ADAMTS2: variants seen among roughly 807,000 people sequenced by gnomAD.
ADAMTS2 encodes the protein A disintegrin and metalloproteinase with thrombospondin motifs 2.
Under a neutral mutation model 123.0 loss-of-function variants are expected in ADAMTS2, and 50 were observed. The ratio of observed to expected loss-of-function variants is 0.41; its 90% CI spans 0.32 to 0.51. ADAMTS2 has a LOEUF of 0.51. Ranked by LOEUF, ADAMTS2 falls within the 20% of genes least tolerant of loss-of-function variation. The pLI is 0.35. For synonymous variants in ADAMTS2, 678 were observed against 695.4 expected (o/e 0.98, Z 0.39); for missense variants, 1,494 against 1,705.2 (o/e 0.88, Z 2.18).
chr5:179,241,801 A>G (rs771744687), intron 3 of ADAMTS2, among the ~76,000 whole-genome samples: 133 of 152,374 alleles, frequency 8.7e-4, no homozygotes, highest in Non-Finnish European at 1.4e-3. Flanking sequence ...ATTAAAATAA[A>G]CTATAGGCAA....
Position 179,129,871 on chromosome 5 carries a change from C to T in ADAMTS2, c.2457+61G>A. On this transcript the variant is annotated intron_variant, in intron 16 of 21. Transcript: ENST00000251582. This position sits in a 1 kb window ranked among gnomAD's most constrained non-coding sequence, Gnocchi z 4.1. ...CAGGAGGCTCAGCGTCCCAGGCACC[C>T]CCATCCCTCCCCCAGTGGCCACCCG... is the stretch of plus-strand genomic sequence containing the variant. 6.2e-7 allele frequency: 1 copy of T among 1,603,816 alleles called. No homozygotes were observed. The highest frequency in any genetic ancestry group is 8.5e-7 in the Non-Finnish European group (1 of 1,175,016).
intron 2 of ADAMTS2, among the ~76,000 whole-genome samples, chr5:179,331,675 G>A (rs1431364858): frequency 6.6e-6 from 1 of 152,026 alleles, no homozygotes; most frequent in Non-Finnish European, 1.5e-5. Context: ...AGTTGTCTCT[G>A]CAGCTGCATT....
chr5:179,345,118 G>T lies in ADAMTS2; in HGVS notation c.139+72C>A. ...GTCAGGCTGGACGACGCCTGGGGAG[G>T]GGGCGGCGGGGCACGCGGGACAGGG... On this transcript the variant is annotated intron_variant, in intron 1 of 21. Transcript: ENST00000251582. This position sits in a 1 kb window ranked among gnomAD's most constrained non-coding sequence, Gnocchi z 7.5. The T allele has an allele frequency of 2.9e-6, 3 of 1,024,634 alleles. No individual in the cohort carries two copies. Among genetic ancestry groups the T allele is most frequent in the Non-Finnish European group, 2.4e-6 (2 of 846,818 alleles). The allele number at this position is 1,024,634 out of a possible 1,614,324, so 63.5% of individuals were successfully genotyped here. A position where few individuals can be genotyped will look rare whatever the true frequency, so the allele number is the denominator to read the frequency against.
chr5:179,168,769 C>A (rs189660534), intron 5 of ADAMTS2, among the ~76,000 whole-genome samples: 2 of 152,146 alleles, frequency 1.3e-5, no homozygotes, highest in Non-Finnish European at 2.9e-5. Flanking sequence ...CATGTTCTAC[C>A]GTGCCCCCCA....
chr5:179,217,836 A>AGG (rs879577327), intron 3 of ADAMTS2, among the ~76,000 whole-genome samples: 1 of 86,554 alleles, frequency 1.2e-5, no homozygotes, highest in African/African-American at 4.7e-5. Context: ...GCCTGAGGGC[A>AGG]GACAGGCACA....
intron 2 of ADAMTS2, among the ~76,000 whole-genome samples, chr5:179,340,535 T>G (rs1276421775): frequency 6.6e-6 from 1 of 152,212 alleles, no homozygotes; most frequent in Non-Finnish European, 1.5e-5. Flanking sequence ...TAAAATTCTT[T>G]TTGTAGGCAT....
rs551161949 is a variant in ADAMTS2, at chr5:179,208,099, G to A, written c.689-384C>T. ...GCTGGCATTCAGCCATGGAGAGGTC[G>A]GGAACCTCAGCCCGCACTGCCTGAC... is the stretch of plus-strand genomic sequence containing the variant. On this transcript the variant is annotated intron_variant, in intron 3 of 21. Transcript: ENST00000251582. Among the ~76,000 whole-genome samples, 13 of 43,538 alleles carry A rather than the reference G, an allele frequency of 3.0e-4. No homozygotes were observed. The East Asian group carries it at 0.013, about 43-fold the overall frequency. The allele number at this position is 43,538 out of a possible 152,430, so 28.6% of individuals were successfully genotyped here. A position where few individuals can be genotyped will look rare whatever the true frequency, so the allele number is the denominator to read the frequency against.
chr5:179,133,262 CTGTT>C (rs1475286097), intron 13 of ADAMTS2, among the ~76,000 whole-genome samples: 2 of 152,162 alleles, frequency 1.3e-5, no homozygotes, highest in South Asian at 2.1e-4. Context: ...GCAGGAGATG[CTGTT>C]TATTTTTACA....
intron 2 of ADAMTS2, among the ~76,000 whole-genome samples, chr5:179,320,943 G>T (rs547716896): frequency 3.9e-5 from 6 of 152,258 alleles, no homozygotes; most frequent in Admixed American, 2.6e-4. Context: ...CGACACAGAG[G>T]AGAGCAAAGC....
At chr5:179,218,280 G>A (rs1765049116) in intron 3 of ADAMTS2, among the ~76,000 whole-genome samples, 1 of 152,206 alleles carries the variant, frequency 6.6e-6, no homozygotes, top group African/African-American at 2.4e-5. Context: ...GAGGTCAACG[G>A]GAACAAGGTC....
At chr5:179,231,916 AG>A (rs1765418774) in intron 3 of ADAMTS2, among the ~76,000 whole-genome samples, 1 of 116,520 alleles carries the variant, frequency 8.6e-6, no homozygotes, top group East Asian at 2.6e-4. Context: ...CCCTGTCTCT[AG>A]GAAAAAAAAA....
chr5:179,204,164 T>C (rs1400033551), intron 4 of ADAMTS2, among the ~76,000 whole-genome samples: 1 of 151,716 alleles, frequency 6.6e-6, no homozygotes, highest in Non-Finnish European at 1.5e-5. Flanking sequence ...AAACAGAAAG[T>C]GGAGTGGTGG....
chr5:179,304,652 A>G (rs1409479606), intron 2 of ADAMTS2, among the ~76,000 whole-genome samples: 1 of 152,228 alleles, frequency 6.6e-6, no homozygotes, highest in African/African-American at 2.4e-5. Flanking sequence ...AAGTTACCCA[A>G]TTCAAACTGC....
chr5:179,217,727 G>A (rs1255314003), intron 3 of ADAMTS2, among the ~76,000 whole-genome samples: 2 of 150,472 alleles, frequency 1.3e-5, no homozygotes, highest in East Asian at 3.9e-4. Flanking sequence ...CTGAATGCAA[G>A]GGCAGATGGC....
At chr5:179,264,064 T>A (rs1462678199) in intron 3 of ADAMTS2, among the ~76,000 whole-genome samples, 1 of 152,178 alleles carries the variant, frequency 6.6e-6, no homozygotes, top group Non-Finnish European at 1.5e-5. Context: ...ATGCAGTTTC[T>A]GAGCCAGGCC....
chr5:179,284,629 C>T (rs1279913077), intron 2 of ADAMTS2, among the ~76,000 whole-genome samples: 3 of 152,244 alleles, frequency 2.0e-5, no homozygotes, highest in Non-Finnish European at 2.9e-5. Flanking sequence ...TCAGGTGATC[C>T]GCCCACCTCG....
chr5:179,194,166 CGGAGGAG>C (rs1554129310), intron 4 of ADAMTS2, among the ~76,000 whole-genome samples: 3 of 152,010 alleles, frequency 2.0e-5, no homozygotes, highest in Admixed American at 6.5e-5. Flanking sequence ...AGGAGGTCTG[CGGAGGAG>C]GGAGGAGGGA....
At chr5:179,322,828 A>G (rs455437) in intron 2 of ADAMTS2, among the ~76,000 whole-genome samples, 127,260 of 152,206 alleles carry the variant, frequency 0.84, 53,341 homozygotes, top group Admixed American at 0.9. Context: ...AGGGGGAGTT[A>G]ATCTCTCACA....
rs967200067 is a variant in ADAMTS2, at chr5:179,312,244, G to T, written c.534+31523C>A. 6.6e-5 allele frequency among the ~76,000 whole-genome samples: 10 copies of T among 152,116 alleles called. No homozygotes were observed. The highest frequency in any genetic ancestry group is 2.4e-4 in the African/African-American group (10 of 41,402). On this transcript the variant is annotated intron_variant, in intron 2 of 21. Coordinates refer to ENST00000251582, the MANE Select transcript of ADAMTS2 (RefSeq NM_014244.5). This position sits in a 1 kb window ranked among gnomAD's most constrained non-coding sequence, Gnocchi z 4.2. ...GATGGAGTGACTGCTGGATTTTCCGGGTGGGCCCAGGGATAGACAGAATGT... is the reference window on the plus strand; with the variant it reads ...GATGGAGTGACTGCTGGATTTTCCGTGTGGGCCCAGGGATAGACAGAATGT...
Sources: allele counts gnomAD v4.1 joint callset (sites outside exome capture counted in the v4.1 genomes callset), GRCh38; gene constraint gnomAD v4.1.1; non-coding constraint Gnocchi (gnomAD v3.1); transcripts MANE v1.5; gene names NCBI Gene and HGNC (gene_info 2026-07-23, HGNC 2026-07-21).